Variants in DOCK1 observed in about 807,000 individuals in gnomAD.
DOCK1 encodes the protein dedicator of cytokinesis 1.
In DOCK1, 138 loss-of-function variants were observed where a neutral mutation model predicts 262.7. The ratio of observed to expected loss-of-function variants is 0.53; its 90% CI spans 0.46 to 0.61. The LOEUF is 0.61. DOCK1 is among the 20% of genes least tolerant of loss of function. The probability of loss-of-function intolerance (pLI) is 0.00; values close to 1 mark genes in which losing one functional copy is unlikely to be tolerated. For synonymous variants in DOCK1, 866 were observed against 867.4 expected (o/e 1.00, Z 0.03); for missense variants, 1,908 against 2,370.7 (o/e 0.80, Z 4.05).
intron 37 of DOCK1, among the ~76,000 whole-genome samples, chr10:127,382,009 A>G (rs1437004742): frequency 1.3e-5 from 2 of 152,178 alleles, no homozygotes; most frequent in African/African-American, 2.4e-5. Flanking sequence ...ACAAATTGCT[A>G]TACAGCCTCT....
intron 23 of DOCK1, among the ~76,000 whole-genome samples, chr10:127,068,598 A>G (rs1323883059): frequency 1.3e-5 from 2 of 152,216 alleles, no homozygotes; most frequent in African/African-American, 2.4e-5. Context: ...AAAATGCCAA[A>G]AAGTTAATTA....
chr10:127,057,616 T>G (rs886151550), intron 22 of DOCK1, among the ~76,000 whole-genome samples: 28 of 152,240 alleles, frequency 1.8e-4, no homozygotes, highest in African/African-American at 6.5e-4. Context: ...CCGGGGGCAC[T>G]TCTCTACTGG....
At chr10:127,087,196 ATG>A (rs2047248638) in intron 23 of DOCK1, among the ~76,000 whole-genome samples, 1 of 152,152 alleles carries the variant, frequency 6.6e-6, no homozygotes, top group African/African-American at 2.4e-5. Flanking sequence ...TCTTCATGAT[ATG>A]TGTGTGCTGA....
At chr10:127,327,990 C>A (rs938849611) in intron 29 of DOCK1, among the ~76,000 whole-genome samples, 24 of 151,924 alleles carry the variant, frequency 1.6e-4, no homozygotes, top group Non-Finnish European at 3.2e-4. Context: ...ATAGAGAGAC[C>A]CACCAGGCCT....
At chr10:127,107,885 G>T (rs1017599393) in intron 24 of DOCK1, among the ~76,000 whole-genome samples, 1 of 152,224 alleles carries the variant, frequency 6.6e-6, no homozygotes, top group Non-Finnish European at 1.5e-5. Context: ...CCGCACCCGC[G>T]GAGGGGTATC....
At chr10:127,000,351 C>G in intron 10 of DOCK1, 44 bp downstream of exon 10, 1 of 1,597,622 alleles carries the variant, frequency 6.3e-7, no homozygotes, top group Non-Finnish European at 8.5e-7. Context: ...CAGATCTTCA[C>G]AGTCACTTTC....
intron 2 of DOCK1, among the ~76,000 whole-genome samples, chr10:126,971,705 A>G (rs1162179641): frequency 2.0e-5 from 3 of 152,158 alleles, no homozygotes; most frequent in Non-Finnish European, 4.4e-5. Flanking sequence ...GGCGTGAGCC[A>G]CTGTGCCTAG....
chr10:127,371,488 A>G (rs1404616274), intron 33 of DOCK1, among the ~76,000 whole-genome samples: 1 of 152,202 alleles, frequency 6.6e-6, no homozygotes, highest in Non-Finnish European at 1.5e-5. Flanking sequence ...CAGAGAAAAC[A>G]TGCCGTTTTC....
In DOCK1 at chr10:126,915,659, G is replaced by A. The variant is rs143025198; in HGVS notation, c.46+10096G>A. Among the ~76,000 whole-genome samples the A allele has an allele frequency of 3.8e-3, 572 of 152,232 alleles. 6 individuals carry two copies. The highest frequency in any genetic ancestry group is 0.013 in the African/African-American group (547 of 41,540). On this transcript the variant is annotated intron_variant, in intron 1 of 51. Transcript: ENST00000623213. ...AGTAACACGGGGTTTCACTGTGTTAGCCAGGATGGTCTCGATCTCCTGACC... is the reference window on the plus strand; with the variant it reads ...AGTAACACGGGGTTTCACTGTGTTAACCAGGATGGTCTCGATCTCCTGACC...
chr10:126,912,618 C>A (rs1214561081), intron 1 of DOCK1, among the ~76,000 whole-genome samples: 1 of 140,324 alleles, frequency 7.1e-6, no homozygotes, highest in Admixed American at 7.2e-5. Flanking sequence ...CCCAGCTACT[C>A]GGGAGGCTGA....
chr10:126,927,948 C>G (rs924041659), intron 1 of DOCK1, among the ~76,000 whole-genome samples: 7 of 152,012 alleles, frequency 4.6e-5, no homozygotes, highest in Non-Finnish European at 1.0e-4. Context: ...AGACACCTGC[C>G]GTGCAGGTGA....
At chr10:127,288,877 G>A (rs1342308621) in intron 29 of DOCK1, among the ~76,000 whole-genome samples, 1 of 151,320 alleles carries the variant, frequency 6.6e-6, no homozygotes, top group Non-Finnish European at 1.5e-5. Context: ...GATATATCCT[G>A]CAGACATACA....
chr10:126,986,880 A>G (rs2039437807), intron 4 of DOCK1, among the ~76,000 whole-genome samples: 1 of 152,216 alleles, frequency 6.6e-6, no homozygotes, highest in Non-Finnish European at 1.5e-5. Context: ...ACTGCACTCC[A>G]GCCTGTGTGA....
At chr10:127,302,153 T>TG (rs2061703879) in intron 29 of DOCK1, among the ~76,000 whole-genome samples, 2 of 151,974 alleles carry the variant, frequency 1.3e-5, no homozygotes, top group South Asian at 4.1e-4. Flanking sequence ...TTCCTGCTTC[T>TG]GGTCTGCTCT....
rs916336838 is a variant in DOCK1, at chr10:127,310,684, G to A, written c.3045-28322G>A. ...TTTCTCATATTGGATTTTCAAAGCC[G>A]CAGGAGTGGCCACAGAGCAGGCAAC... is the stretch of plus-strand genomic sequence containing the variant. On this transcript the variant is annotated intron_variant, in intron 29 of 51. Transcript: ENST00000623213. Among the ~76,000 whole-genome samples the A allele has an allele frequency of 1.1e-4, 17 of 152,250 alleles. No homozygotes were observed. The East Asian group carries it at 2.9e-3, about 26-fold the overall frequency.
In DOCK1 at chr10:127,110,427, CTCT is replaced by C. The variant is rs1361061918; in HGVS notation, c.2623+78_2623+80del. 1.1e-5 allele frequency: 15 copies of C among 1,360,100 alleles called. No individual in the cohort carries two copies. The Admixed American group carries it at 1.6e-4, about 14-fold the overall frequency. The allele number at this position is 1,360,100 out of a possible 1,614,324, so 84.3% of individuals were successfully genotyped here. On this transcript the variant is annotated intron_variant, in intron 25 of 51. Coordinates refer to ENST00000623213, the MANE Select transcript of DOCK1 (RefSeq NM_001290223.2). ...TGAAGACATTGACCCTCTGAATTGCCTCTTCTTGACAAAAGGAGTAGAGGCTGC... is the reference window on the plus strand; with the variant it reads ...TGAAGACATTGACCCTCTGAATTGCCTCTTGACAAAAGGAGTAGAGGCTGC...
intron 23 of DOCK1, among the ~76,000 whole-genome samples, chr10:127,091,375 T>C (rs185433816): frequency 6.6e-6 from 1 of 152,304 alleles, no homozygotes; most frequent in East Asian, 1.9e-4. Context: ...GGATATTCGT[T>C]TTATTGCTCT....
At chr10:127,131,536 T>C (rs1295557545) in intron 27 of DOCK1, among the ~76,000 whole-genome samples, 2 of 152,222 alleles carry the variant, frequency 1.3e-5, no homozygotes, top group Non-Finnish European at 2.9e-5. Context: ...TAGTGGGACC[T>C]TGTAATCCCC....
At chr10:127,013,155 A>G (rs1287168731) in intron 12 of DOCK1, among the ~76,000 whole-genome samples, 1 of 152,222 alleles carries the variant, frequency 6.6e-6, no homozygotes, top group South Asian at 2.1e-4. Context: ...AATGTTTTAG[A>G]GAATGAGCCT....
Sources: allele counts gnomAD v4.1 joint callset (sites outside exome capture counted in the v4.1 genomes callset), GRCh38; gene constraint gnomAD v4.1.1; transcripts MANE v1.5; gene names NCBI Gene and HGNC (gene_info 2026-07-23, HGNC 2026-07-21).